Variants in PRH1 observed in about 807,000 individuals in gnomAD.
PRH1 encodes salivary acidic proline-rich phosphoprotein 1/2.
In PRH1, 7 loss-of-function variants were observed where a neutral mutation model predicts 7.9. That is an observed-to-expected ratio of 0.89 (90% CI 0.50 to 1.67). The LOEUF (loss-of-function observed/expected upper bound fraction) is 1.67. Ranked by LOEUF, PRH1 falls within the 40% of genes most tolerant of loss-of-function variation. PRH1 has a pLI of 0.00. For synonymous variants in PRH1, 45 were observed against 80.8 expected (o/e 0.56, Z 2.38); for missense variants, 109 against 223.6 (o/e 0.49, Z 3.27).
chr12:11,116,752 T>A (rs537712603), downstream of PRH1, among the ~76,000 whole-genome samples: 12 of 152,242 alleles, frequency 7.9e-5, no homozygotes, highest in East Asian at 2.3e-3. Flanking sequence ...ATCCCTAGGA[T>A]GCAAGGATAG....
At chr12:10,973,032 G>GA (rs1481547991) in intron 2 of PRH1, among the ~76,000 whole-genome samples, 8 of 148,002 alleles carry the variant, frequency 5.4e-5, no homozygotes, top group African/African-American at 2.0e-4. Context: ...CATGTAGGTT[G>GA]AAAAGTCCTT....
At chr12:10,986,198 G>T in intron 1 of PRH1, 1 of 1,614,100 alleles carries the variant, frequency 6.2e-7, no homozygotes, top group Non-Finnish European at 8.5e-7. Flanking sequence ...TGTGGACCTT[G>T]GTGCTGAGAT....
intron 2 of PRH1, chr12:10,929,119 G>C (rs1252757388): frequency 2.4e-6 from 2 of 827,194 alleles, no homozygotes; most frequent in East Asian, 5.2e-5. Flanking sequence ...GGATACACTT[G>C]ACCTGAAGTA....
intron 1 of PRH1, among the ~76,000 whole-genome samples, chr12:11,065,662 T>C (rs1448760903): frequency 1.3e-4 from 2 of 14,854 alleles, no homozygotes; most frequent in Non-Finnish European, 5.8e-4. Context: ...CTATAAATCA[T>C]TTTTTAATGG....
chr12:11,045,498 A>T (rs1942871221), intron 1 of PRH1, among the ~76,000 whole-genome samples: 1 of 152,132 alleles, frequency 6.6e-6, no homozygotes. Flanking sequence ...TCATTATGTG[A>T]CATTGCATGC....
At position 11,021,960 on chromosome 12, in the gene PRH1, T is replaced by C. The variant is rs563064379; in HGVS notation, c.-126+25060A>G. The C allele has an allele frequency of 2.1e-5, 34 of 1,611,882 alleles. No individual in the cohort carries two copies. In the East Asian group the frequency reaches 6.5e-4, roughly 31 times the overall value. On this transcript the variant is annotated intron_variant, in intron 1 of 3. Transcript: ENST00000539853. ...TATGGAGCCGCATCTTCTTGAGATG[T>C]TTACAAAGAGAACAGATTAACAGCA...
At chr12:11,021,498 T>TAA (rs201011521) in intron 1 of PRH1, 8,743 of 591,656 alleles carry the variant, frequency 0.015, 82 homozygotes, top group South Asian at 0.027. Flanking sequence ...TATACACCCA[T>TAA]AAATATATAT....
chr12:11,125,299 A>C (rs1249923196), intron 1 of PRH1, among the ~76,000 whole-genome samples: 1 of 152,302 alleles, frequency 6.6e-6, no homozygotes, highest in Non-Finnish European at 1.5e-5. Flanking sequence ...ACCTCCAGCA[A>C]AGAATACTCT....
intron 2 of PRH1, among the ~76,000 whole-genome samples, chr12:10,913,115 G>A (rs2135832498): frequency 6.6e-6 from 1 of 152,216 alleles, no homozygotes; most frequent in East Asian, 1.9e-4. Flanking sequence ...TATCTTCATG[G>A]CAAATATAAC....
At chr12:11,128,060 G>A (rs1275027042) in intron 1 of PRH1, among the ~76,000 whole-genome samples, 12 of 146,526 alleles carry the variant, frequency 8.2e-5, no homozygotes, top group African/African-American at 2.8e-4. Flanking sequence ...GCAGTGAGCC[G>A]AGATGGCGCC....
At chr12:10,923,432 G>C (rs988047784) in intron 2 of PRH1, among the ~76,000 whole-genome samples, 3 of 152,110 alleles carry the variant, frequency 2.0e-5, no homozygotes, top group African/African-American at 7.2e-5. Context: ...CCCAGCCTTC[G>C]ATGAATTGTT....
At chr12:10,972,932 A>ACCCCCCCCCCCCCCCCCCC (rs545868427) in intron 2 of PRH1, among the ~76,000 whole-genome samples, 2 of 79,072 alleles carry the variant, frequency 2.5e-5, no homozygotes, top group African/African-American at 4.6e-5. Context: ...ACCACAACCC[A>ACCCCCCCCCCCCCCCCCCC]CCCCCCCCGC....
rs188393489 is a variant in PRH1 at position 10,910,451 on chromosome 12, G to A, written c.-58-26176C>T. The stretch of plus-strand genomic sequence containing the variant: ...GGCCTGGGCAACATAGGGAGACCCT[G>A]TATCTAAAATAAATAAAAATTAAAA... On this transcript the variant is annotated intron_variant, in intron 2 of 3. Coordinates refer to the PRH1 transcript ENST00000539853. Among the ~76,000 whole-genome samples the A allele has an allele frequency of 5.1e-4, 78 of 152,122 alleles. No homozygotes were observed. The East Asian group carries it at 0.013, about 25-fold the overall frequency.
chr12:10,997,635 T>G, intron 1 of PRH1: 1 of 1,613,728 alleles, frequency 6.2e-7, no homozygotes, highest in Non-Finnish European at 8.5e-7. Context: ...ATAAAAATTA[T>G]TACTTTTAAA....
intron 2 of PRH1, among the ~76,000 whole-genome samples, chr12:10,958,119 C>T (rs1938064270): frequency 1.3e-5 from 2 of 152,042 alleles, no homozygotes; most frequent in South Asian, 4.1e-4. Flanking sequence ...TGAAAATATT[C>T]ATGACAGAAC....
In PRH1 at chr12:11,146,575, C is replaced by T. The variant is rs374338964; in HGVS notation, n.39+24847G>A. On this transcript the variant is annotated intron_variant and non_coding_transcript_variant, in intron 1 of 1. Coordinates refer to the PRH1 transcript ENST00000541175. ...AACTTAGCTGGATTAATTAACAGATCTTTCCAAGGAATTTAAAACTTATCA... is the reference window on the plus strand; with the variant it reads ...AACTTAGCTGGATTAATTAACAGATTTTTCCAAGGAATTTAAAACTTATCA... Among the ~76,000 whole-genome samples the T allele has an allele frequency of 1.6e-4, 24 of 152,232 alleles. No individual in the cohort carries two copies. The South Asian group carries it at 4.8e-3, about 30-fold the overall frequency.
intron 1 of PRH1, among the ~76,000 whole-genome samples, chr12:11,086,369 G>A (rs79074727): frequency 0.35 from 31,796 of 91,662 alleles, 3,402 homozygotes; most frequent in Non-Finnish European, 0.44. Flanking sequence ...ACACTTCTCT[G>A]TGTATGAATA....
intron 1 of PRH1, among the ~76,000 whole-genome samples, chr12:11,127,812 A>G (rs1173270405): frequency 1.3e-5 from 2 of 152,274 alleles, no homozygotes; most frequent in African/African-American, 4.8e-5. Context: ...TAATTAAAAT[A>G]CTCAACTATT....
chr12:11,129,074 C>G (rs1285495004), intron 1 of PRH1, among the ~76,000 whole-genome samples: 1 of 152,182 alleles, frequency 6.6e-6, no homozygotes, highest in Non-Finnish European at 1.5e-5. Context: ...AGGCATGTAC[C>G]ACCATGCCAG....
Sources: allele counts gnomAD v4.1 joint callset (sites outside exome capture counted in the v4.1 genomes callset), GRCh38; gene constraint gnomAD v4.1.1; transcripts MANE v1.5; gene names NCBI Gene and HGNC (gene_info 2026-07-23, HGNC 2026-07-21).